TBC1D4: variants seen among roughly 807,000 people sequenced by gnomAD.
The protein encoded by TBC1D4 is TBC1 domain family member 4.
A neutral mutation model predicts 142.5 loss-of-function variants in TBC1D4; 121 were observed. That is an observed-to-expected ratio of 0.85 (90% CI 0.73 to 0.99). TBC1D4 has a LOEUF of 0.99. TBC1D4 is among the 50% of genes least tolerant of loss of function. The probability of loss-of-function intolerance (pLI) is 0.00; values close to 1 mark genes in which losing one functional copy is unlikely to be tolerated. For synonymous variants in TBC1D4, 630 were observed against 628.2 expected (o/e 1.00, Z -0.04); for missense variants, 1,475 against 1,606.6 (o/e 0.92, Z 1.40).
At chr13:75,292,069 T>G in intron 19 of TBC1D4, 33 bp downstream of exon 19, 2 of 1,566,876 alleles carry the variant, frequency 1.3e-6, no homozygotes, top group Non-Finnish European at 1.7e-6. Flanking sequence ...TAGAGAAAAC[T>G]GCTATATAAT....
chr13:75,443,955 T>C (rs1022592299), intron 1 of TBC1D4, among the ~76,000 whole-genome samples: 1 of 130,366 alleles, frequency 7.7e-6, no homozygotes, highest in Admixed American at 8.6e-5. Context: ...TATAAGCAGA[T>C]AGTAGAAAAA....
intron 1 of TBC1D4, among the ~76,000 whole-genome samples, chr13:75,408,133 C>T (rs182778482): frequency 5.9e-5 from 9 of 152,230 alleles, no homozygotes; most frequent in Admixed American, 5.9e-4. Flanking sequence ...ACCCCCTTCC[C>T]CCAAACACTG....
intron 1 of TBC1D4, among the ~76,000 whole-genome samples, chr13:75,385,894 T>C (rs1050556004): frequency 6.6e-6 from 1 of 152,192 alleles, no homozygotes. Flanking sequence ...GATGATAACA[T>C]CAAAGACTAT....
intron 15 of TBC1D4, among the ~76,000 whole-genome samples, chr13:75,305,803 G>C (rs957131694): frequency 1.3e-5 from 2 of 151,904 alleles, no homozygotes; most frequent in Non-Finnish European, 2.9e-5. Context: ...ATCTTATATG[G>C]CATAGCAGCA....
intron 1 of TBC1D4, among the ~76,000 whole-genome samples, chr13:75,468,977 A>G (rs1239668789): frequency 6.6e-6 from 1 of 152,234 alleles, no homozygotes; most frequent in Non-Finnish European, 1.5e-5. Flanking sequence ...GTTAAGTGTC[A>G]AAAGAAAAAC....
At chr13:75,329,150 A>G (rs1278358319) in intron 8 of TBC1D4, among the ~76,000 whole-genome samples, 1 of 151,680 alleles carries the variant, frequency 6.6e-6, no homozygotes, top group African/African-American at 2.4e-5. Flanking sequence ...TCTTCCTTCA[A>G]TATAGTTACA....
chr13:75,298,289 A>T (rs2137870301), intron 17 of TBC1D4, among the ~76,000 whole-genome samples: 1 of 152,310 alleles, frequency 6.6e-6, no homozygotes, highest in South Asian at 2.1e-4. Flanking sequence ...TGGTTGTTTA[A>T]GTATCTATAG....
intron 1 of TBC1D4, among the ~76,000 whole-genome samples, chr13:75,440,946 T>C (rs981532241): frequency 2.0e-5 from 3 of 152,100 alleles, no homozygotes; most frequent in African/African-American, 7.2e-5. Flanking sequence ...CTGTGCTAAA[T>C]GCTATGTGAT....
At chr13:75,344,224 G>T (rs1251068550) in intron 5 of TBC1D4, among the ~76,000 whole-genome samples, 1 of 152,176 alleles carries the variant, frequency 6.6e-6, no homozygotes, top group Non-Finnish European at 1.5e-5. Flanking sequence ...TGATTCACAT[G>T]ATTGTTTTTG....
chr13:75,395,532 G>A (rs976818659), intron 1 of TBC1D4, among the ~76,000 whole-genome samples: 1 of 152,138 alleles, frequency 6.6e-6, no homozygotes, highest in Admixed American at 6.5e-5. Flanking sequence ...CAATCCAACA[G>A]TGAAAATAAA....
chr13:75,336,695 C>A (rs928132550), intron 8 of TBC1D4, among the ~76,000 whole-genome samples: 33 of 152,042 alleles, frequency 2.2e-4, no homozygotes, highest in Admixed American at 1.7e-3. Flanking sequence ...GAGCTGAGAT[C>A]TCACCACTGC....
chr13:75,362,362 T>G lies in TBC1D4; in HGVS notation c.744A>C (p.Pro248=). The change falls in exon 2 of 21, where the codon CCA becomes CCC. Residue 248 remains proline (P), a synonymous_variant. Transcript: ENST00000377636. The surrounding 1 kb of genome is among the most constrained non-coding windows in gnomAD (Gnocchi z 4.2). ...KIQGEQRGPD[P]GEDLADLEVV... is the part of the protein sequence containing the mutation. ...CCTCCAAGTCAGCCAGGTCCTCTCC[T>G]GGGTCCGGACCGCGCTGCTCCCCTT... 6.2e-7 allele frequency: 1 copy of G among 1,614,208 alleles called. No individual in the cohort carries two copies. Among genetic ancestry groups the G allele is most frequent in the Non-Finnish European group, 8.5e-7 (1 of 1,180,030 alleles).
chr13:75,292,328 G>C (rs1875398386), intron 18 of TBC1D4, 57 bp from the exon 19 acceptor site: 1 of 1,449,144 alleles, frequency 6.9e-7, no homozygotes, highest in Non-Finnish European at 9.5e-7. Flanking sequence ...CTTGTAAAAA[G>C]CACGCTATTT....
At chr13:75,359,698 C>T in intron 3 of TBC1D4, 71 bp downstream of exon 3, 1 of 1,222,624 alleles carries the variant, frequency 8.2e-7, no homozygotes, top group Admixed American at 1.8e-5. Flanking sequence ...GGGGTCAAGC[C>T]CACTTATTTT....
At chr13:75,460,320 A>G (rs966292007) in intron 1 of TBC1D4, among the ~76,000 whole-genome samples, 1 of 152,190 alleles carries the variant, frequency 6.6e-6, no homozygotes, top group Non-Finnish European at 1.5e-5. Context: ...ATAAACAGGG[A>G]AGCACAAAGG....
intron 1 of TBC1D4, among the ~76,000 whole-genome samples, chr13:75,437,599 C>CTT (rs200285653): frequency 3.4e-5 from 5 of 147,676 alleles, no homozygotes; most frequent in African/African-American, 1.2e-4. Flanking sequence ...TCATTATAAA[C>CTT]TTTTTTTTTT....
rs746346208 is a variant in TBC1D4 at position 75,362,454 on chromosome 13, G to T, written c.652C>A (p.Pro218Thr). ...ATGCAGTCATCGATGAGGCTTGAGG[G>T]GGCCTTCTTGTGGGTCACGGTCACC... ...GKVTVTHKKA[P>T]SSLIDDCMEK... is the part of the protein sequence containing the mutation. The change falls in exon 2 of 21, where the codon CCC (proline) becomes ACC (threonine). Residue 218 changes from proline (P) to threonine (T), a missense_variant. Pro to Thr is a conservative substitution (Grantham distance 38). Transcript: ENST00000377636. This position sits in a 1 kb window ranked among gnomAD's most constrained non-coding sequence, Gnocchi z 4.2. The T allele has an allele frequency of 1.2e-6, 2 of 1,614,208 alleles. No individual in the cohort carries two copies. Among genetic ancestry groups the T allele is most frequent in the African/African-American group, 2.7e-5 (2 of 75,048 alleles).
intron 1 of TBC1D4, among the ~76,000 whole-genome samples, chr13:75,379,153 T>C (rs916605858): frequency 1.3e-5 from 2 of 152,064 alleles, no homozygotes; most frequent in African/African-American, 4.8e-5. Flanking sequence ...AATTGCTACA[T>C]GATAAACAAG....
chr13:75,453,008 TTA>T (rs1339045286), intron 1 of TBC1D4, among the ~76,000 whole-genome samples: 7 of 152,150 alleles, frequency 4.6e-5, no homozygotes, highest in Admixed American at 6.5e-5. Context: ...ATGGTAGGTT[TTA>T]GTCTTTTCTG....
Sources: allele counts gnomAD v4.1 joint callset (sites outside exome capture counted in the v4.1 genomes callset), GRCh38; gene constraint gnomAD v4.1.1; non-coding constraint Gnocchi (gnomAD v3.1); transcripts MANE v1.5; gene names NCBI Gene and HGNC (gene_info 2026-07-23, HGNC 2026-07-21).